Variants in SPMIP5 observed in about 807,000 individuals in gnomAD.
The protein encoded by SPMIP5 is sperm microtubule inner protein 5.
At chr10:116,667,537 T>A in the SPMIP5 span, among the ~76,000 whole-genome samples, 2 of 152,088 alleles carry the variant, frequency 1.3e-5, no homozygotes, top group Non-Finnish European at 2.9e-5. Context: ...CAACCAGCCA[T>A]TAGGACCAGA....
the SPMIP5 span, chr10:116,663,728 C>T: frequency 6.0e-6 from 4 of 668,184 alleles, no homozygotes; most frequent in East Asian, 8.7e-5. Context: ...TCCCACATGA[C>T]AAAAAACGGT....
the SPMIP5 span, chr10:116,664,433 G>A: frequency 2.3e-5 from 18 of 787,770 alleles, no homozygotes; most frequent in East Asian, 5.7e-5. Flanking sequence ...TCCTCATTTC[G>A]CAGAAGAGAA....
the SPMIP5 span, among the ~76,000 whole-genome samples, chr10:116,662,343 A>G: frequency 6.6e-6 from 1 of 152,252 alleles, no homozygotes; most frequent in African/African-American, 2.4e-5. Context: ...AGCCAGAGCC[A>G]CGTGATACAA....
the SPMIP5 span, among the ~76,000 whole-genome samples, chr10:116,662,965 G>A: frequency 1.3e-5 from 2 of 152,040 alleles, no homozygotes; most frequent in African/African-American, 2.4e-5. Context: ...GGCGGATCAC[G>A]AGGTCAGGAG....
the SPMIP5 span, chr10:116,665,549 C>T: frequency 1.3e-6 from 2 of 1,516,316 alleles, no homozygotes; most frequent in Non-Finnish European, 1.8e-6. Flanking sequence ...CTCAGCTGGC[C>T]TATGAGAATC....
the SPMIP5 span, among the ~76,000 whole-genome samples, chr10:116,669,110 T>G: frequency 1.9e-4 from 29 of 152,170 alleles, no homozygotes; most frequent in African/African-American, 2.9e-4. Flanking sequence ...ATGCTGTTTC[T>G]GCAATAAGAC....
chr10:116,664,751 C>A, the SPMIP5 span: 1 of 1,613,214 alleles, frequency 6.2e-7, no homozygotes, highest in Non-Finnish European at 8.5e-7. Context: ...CGGACCCAAG[C>A]CAGACTCACT....
the SPMIP5 span, chr10:116,665,707 C>T: frequency 3.3e-5 from 54 of 1,614,172 alleles, no homozygotes; most frequent in African/African-American, 5.3e-4. Context: ...GTGGCCACTG[C>T]GCAGCACAAT....
the SPMIP5 span, chr10:116,664,284 T>C: frequency 2.6e-6 from 4 of 1,557,338 alleles, no homozygotes; most frequent in African/African-American, 1.4e-5. Flanking sequence ...AAAACAAGAA[T>C]AGAAGTCACA....
At chr10:116,665,805 C>A in the SPMIP5 span, 1 of 1,611,960 alleles carries the variant, frequency 6.2e-7, no homozygotes, top group Non-Finnish European at 8.5e-7. Flanking sequence ...CATTCCTTGG[C>A]AGCTGAGGAA....
chr10:116,665,404 CAAAAAAAA>C, the SPMIP5 span: 22 of 286,678 alleles, frequency 7.7e-5, no homozygotes, highest in South Asian at 4.2e-4. Flanking sequence ...GACTCCGTCT[CAAAAAAAA>C]AAAAAAAAAG....
At chr10:116,666,827 C>G in the SPMIP5 span, among the ~76,000 whole-genome samples, 6 of 152,332 alleles carry the variant, frequency 3.9e-5, no homozygotes, top group Middle Eastern at 6.8e-3. Context: ...TATATTAGTG[C>G]ATATATGCAC....
the SPMIP5 span, chr10:116,670,244 T>C: frequency 7.0e-6 from 1 of 143,050 alleles, no homozygotes; most frequent in Admixed American, 6.9e-5. Flanking sequence ...CGGGCGTTTT[T>C]GCGGGTGTAG....
chr10:116,668,368 C>T, the SPMIP5 span: 2 of 1,442,442 alleles, frequency 1.4e-6, no homozygotes, highest in African/African-American at 1.6e-5. Flanking sequence ...CATCAAAAGT[C>T]ACTGCCTTAA....
the SPMIP5 span, chr10:116,665,721 C>T: frequency 9.4e-5 from 152 of 1,614,054 alleles, no homozygotes; most frequent in Admixed American, 5.0e-4. Flanking sequence ...GCACAATTCC[C>T]GCAGCTGTTC....
the SPMIP5 span, chr10:116,668,196 G>C: frequency 2.7e-6 from 4 of 1,495,686 alleles, no homozygotes; most frequent in African/African-American, 2.8e-5. Flanking sequence ...GTCAAGGCAG[G>C]GACAGTGACC....
At chr10:116,668,972 A>ACACACACACAC in the SPMIP5 span, among the ~76,000 whole-genome samples, 15 of 58,940 alleles carry the variant, frequency 2.5e-4, no homozygotes, top group East Asian at 6.0e-4. Context: ...CACACACACA[A>ACACACACACAC]ACAAGGGAGA....
At chr10:116,666,514 GC>G in the SPMIP5 span, among the ~76,000 whole-genome samples, 1 of 150,826 alleles carries the variant, frequency 6.6e-6, no homozygotes, top group Middle Eastern at 3.4e-3. Context: ...GTTTCAAACT[GC>G]AAAATAAATA....
At chr10:116,668,501 C>T in the SPMIP5 span, among the ~76,000 whole-genome samples, 9 of 152,262 alleles carry the variant, frequency 5.9e-5, no homozygotes, top group African/African-American at 2.2e-4. Flanking sequence ...CAGTCACAAA[C>T]CAATGACCTA....
Sources: gnomAD v4.1 joint callset for allele counts (sites outside exome capture counted in the v4.1 genomes callset) on GRCh38, gnomAD v4.1.1 for gene constraint, MANE v1.5 for transcripts, NCBI Gene and HGNC (gene_info 2026-07-23, HGNC 2026-07-21) for gene names.